The following DDAH1 variants were observed in gnomAD, a reference collection of about 807,000 sequenced individuals.
DDAH1 encodes the protein dimethylarginine dimethylaminohydrolase 1.
A neutral mutation model predicts 28.8 loss-of-function variants in DDAH1; 19 were observed. That is an observed-to-expected ratio of 0.66 (90% confidence interval 0.46 to 0.97). The LOEUF is 0.97. Among genes scored for constraint, DDAH1 ranks in the 50% least tolerant of loss-of-function variants. DDAH1 has a pLI of 0.00. For synonymous variants in DDAH1, 153 were observed against 154.4 expected, an observed-to-expected ratio of 0.99 and a Z score of 0.07; for missense variants, 326 against 375.9, an observed-to-expected ratio of 0.87 and a Z score of 1.10.
chr1:85,450,532 G>A (rs964902843), intron 1 of DDAH1, among the ~76,000 whole-genome samples: 4 of 152,088 alleles, frequency 2.6e-5, no homozygotes, highest in Admixed American at 6.5e-5. Flanking sequence ...GCTAGTTATC[G>A]CCAGTCCATA....
intron 1 of DDAH1, among the ~76,000 whole-genome samples, chr1:85,499,178 T>C (rs568610624): frequency 1.3e-5 from 2 of 152,240 alleles, no homozygotes; most frequent in South Asian, 4.1e-4. Context: ...AGCATAAGTA[T>C]AAACAAGTTA....
At chr1:85,362,592 GAAT>G (rs1407048151) in intron 1 of DDAH1, among the ~76,000 whole-genome samples, 1 of 152,068 alleles carries the variant, frequency 6.6e-6, no homozygotes, top group Non-Finnish European at 1.5e-5. Flanking sequence ...CCAGGGATTA[GAAT>G]AAAGTCTTTA....
chr1:85,537,315 C>T (rs1187449544), intron 1 of DDAH1, among the ~76,000 whole-genome samples: 1 of 151,554 alleles, frequency 6.6e-6, no homozygotes, highest in South Asian at 2.1e-4. Context: ...GCCTAGGTGA[C>T]AGAGTGAGGA....
At chr1:85,569,655 G>C (rs1391836449) in intron 1 of DDAH1, among the ~76,000 whole-genome samples, 1 of 152,162 alleles carries the variant, frequency 6.6e-6, no homozygotes, top group Non-Finnish European at 1.5e-5. Context: ...CTTGGAAAAA[G>C]CATTTGCAGG....
In DDAH1 at chr1:85,320,286, T is replaced by C. The variant is rs1052185456; in HGVS notation, c.*1166A>G. The C allele has an allele frequency of 4.6e-5, 7 of 152,602 alleles. No homozygotes were observed. The highest frequency in any genetic ancestry group is 1.7e-4 in the African/African-American group (7 of 41,436). The allele number at this position is 152,602 out of a possible 1,614,324, so 9.5% of individuals were successfully genotyped here. A position where few individuals can be genotyped will look rare whatever the true frequency, so the allele number is the denominator to read the frequency against. On this transcript the variant is annotated 3_prime_UTR_variant, in exon 6 of 6. Transcript: ENST00000284031. ...GTAAATATTCACGGATATTTCAAAG[T>C]AGAATTGTCCACTGTCTGGGGTTGG...
intron 1 of DDAH1, among the ~76,000 whole-genome samples, chr1:85,462,400 A>G (rs1447553594): frequency 6.6e-6 from 1 of 152,118 alleles, no homozygotes; most frequent in Admixed American, 6.5e-5. Context: ...GAGTTTTTAA[A>G]AGACCAGCTT....
chr1:85,382,711 C>G (rs1319520837), intron 1 of DDAH1, among the ~76,000 whole-genome samples: 2 of 152,244 alleles, frequency 1.3e-5, no homozygotes, highest in Non-Finnish European at 2.9e-5. Context: ...CAGGCTGACT[C>G]TCTTGTTAGA....
At chr1:85,500,163 C>CTCTT (rs369167804) in intron 1 of DDAH1, among the ~76,000 whole-genome samples, 655 of 50,136 alleles carry the variant, frequency 0.013, 9 homozygotes, top group African/African-American at 0.038. Context: ...TTCTTTCTTT[C>CTCTT]TCTTTTTTCC....
At chr1:85,486,956 G>T (rs1259437100) in intron 2 of DDAH1, among the ~76,000 whole-genome samples, 2 of 152,116 alleles carry the variant, frequency 1.3e-5, no homozygotes, top group Non-Finnish European at 2.9e-5. Context: ...TAATAGAGAA[G>T]AATTCTTTGA....
chr1:85,533,685 CCA>C (rs1324351232), intron 1 of DDAH1, among the ~76,000 whole-genome samples: 5 of 152,204 alleles, frequency 3.3e-5, no homozygotes, highest in African/African-American at 9.6e-5. Flanking sequence ...CCTTAGAGTC[CCA>C]TAGCATGGGC....
At chr1:85,490,881 T>C (rs943217050) in intron 2 of DDAH1, among the ~76,000 whole-genome samples, 1 of 152,218 alleles carries the variant, frequency 6.6e-6, no homozygotes, top group African/African-American at 2.4e-5. Context: ...TCAGGGCTCA[T>C]GGCATCTCAG....
upstream of DDAH1, among the ~76,000 whole-genome samples, chr1:85,467,017 A>G (rs934864471): frequency 6.6e-6 from 1 of 151,492 alleles, no homozygotes; most frequent in African/African-American, 2.4e-5. Context: ...TTGTATTTTT[A>G]GTAGAGACGG....
Position 85,358,938 on chromosome 1 carries a change from C to T in DDAH1, c.304-91G>A, listed in dbSNP as rs553570475. 3.4e-4 allele frequency: 299 copies of T among 873,472 alleles called. 1 individual carries two copies. Among genetic ancestry groups the T allele is most frequent in the Middle Eastern group, 9.0e-4 (4 of 4,462 alleles). 54.1% of individuals were successfully genotyped at this position (873,472 alleles called of 1,614,324 possible). ...ACATCTAAACACTAAATCAAGCTCT[C>T]GTGCACACACCCACACACATCCACA... On this transcript the variant is annotated intron_variant, in intron 1 of 5. Transcript: ENST00000284031.
At chr1:85,487,728 A>T (rs899623356) in intron 2 of DDAH1, among the ~76,000 whole-genome samples, 8 of 152,186 alleles carry the variant, frequency 5.3e-5, no homozygotes, top group Non-Finnish European at 1.0e-4. Flanking sequence ...TCCAAAAAAC[A>T]GGTAACCAAT....
chr1:85,540,330 GC>G (rs1318463377), intron 1 of DDAH1, among the ~76,000 whole-genome samples: 1 of 151,906 alleles, frequency 6.6e-6, no homozygotes, highest in Non-Finnish European at 1.5e-5. Flanking sequence ...TTTCTGCTGT[GC>G]CTGGACTATG....
chr1:85,438,904 A>G (rs372020009), intron 1 of DDAH1, among the ~76,000 whole-genome samples: 1 of 152,198 alleles, frequency 6.6e-6, no homozygotes, highest in Non-Finnish European at 1.5e-5. Context: ...AAAAAGCTTT[A>G]TAACAGGATG....
intron 1 of DDAH1, among the ~76,000 whole-genome samples, chr1:85,429,748 C>T (rs545709295): frequency 2.6e-5 from 4 of 152,296 alleles, no homozygotes; most frequent in Admixed American, 2.0e-4. Context: ...TTTTGATTTG[C>T]ATTTCTCTAA....
intron 1 of DDAH1, among the ~76,000 whole-genome samples, chr1:85,453,700 T>C (rs1654762357): frequency 6.6e-6 from 1 of 152,186 alleles, no homozygotes; most frequent in African/African-American, 2.4e-5. Context: ...TCATACTTAA[T>C]AGGCACCATT....
chr1:85,523,398 T>A (rs1657757680), intron 1 of DDAH1, among the ~76,000 whole-genome samples: 1 of 152,056 alleles, frequency 6.6e-6, no homozygotes, highest in Non-Finnish European at 1.5e-5. Context: ...AGAGAACAGT[T>A]GAGAGCTCAA....
Sources: gnomAD v4.1 joint callset for allele counts (sites outside exome capture counted in the v4.1 genomes callset) on GRCh38, gnomAD v4.1.1 for gene constraint, MANE v1.5 for transcripts, NCBI Gene and HGNC (gene_info 2026-07-23, HGNC 2026-07-21) for gene names.